The following GAP43 variants were observed in gnomAD, a reference collection of about 807,000 sequenced individuals.
The protein encoded by GAP43 is neuromodulin.
A neutral mutation model predicts 18.6 loss-of-function variants in GAP43; 6 were observed. The observed-to-expected ratio is 0.32, with a 90% CI of 0.18 to 0.64. The LOEUF is 0.64. Among genes scored for constraint, GAP43 ranks in the 30% least tolerant of loss-of-function variants. GAP43 has a pLI of 0.78. For missense variants in GAP43, 292 were observed against 295.5 expected, an observed-to-expected ratio of 0.99 and a Z score of 0.09; for synonymous variants, 115 against 111.4, an observed-to-expected ratio of 1.03 and a Z score of -0.20.
In GAP43 at chr3:115,704,486, C is replaced by T. The variant is rs866523212; in HGVS notation, c.629-16308C>T. Among the ~76,000 whole-genome samples, 5 of 152,118 alleles carry T rather than the reference C, an allele frequency of 3.3e-5. No individual in the cohort carries two copies. The Middle Eastern group carries it at 0.014, about 414-fold the overall frequency. Reference sequence around the variant, plus strand: ...TGCATAAAATATCCACTTCACCTCCCGCAATTTGAACATAACATGTTAGAA... The same window carrying T: ...TGCATAAAATATCCACTTCACCTCCTGCAATTTGAACATAACATGTTAGAA... On this transcript the variant is annotated intron_variant, in intron 2 of 2. Coordinates refer to ENST00000305124, the MANE Select transcript of GAP43 (RefSeq NM_002045.4).
At chr3:115,698,141 AT>A (rs1709234721) in intron 2 of GAP43, among the ~76,000 whole-genome samples, 3 of 10,060 alleles carry the variant, frequency 3.0e-4, no homozygotes, top group Non-Finnish European at 6.7e-4. Context: ...AATATATATA[AT>A]ATATATTATA....
chr3:115,652,203 G>A (rs1033124315), intron 1 of GAP43, among the ~76,000 whole-genome samples: 1 of 151,524 alleles, frequency 6.6e-6, no homozygotes, highest in African/African-American at 2.4e-5. Context: ...AAACTGTACC[G>A]CTCATTTAAT....
At chr3:115,643,197 T>C (rs1708419083) in intron 1 of GAP43, among the ~76,000 whole-genome samples, 1 of 152,064 alleles carries the variant, frequency 6.6e-6, no homozygotes, top group South Asian at 2.1e-4. Context: ...CTAGACTCAG[T>C]CACTTTTTAT....
intron 1 of GAP43, among the ~76,000 whole-genome samples, chr3:115,631,291 A>G (rs1168980218): frequency 6.6e-6 from 1 of 152,068 alleles, no homozygotes; most frequent in African/African-American, 2.4e-5. Flanking sequence ...GGTTCTGCCA[A>G]TTGCTTGTCA....
intron 1 of GAP43, among the ~76,000 whole-genome samples, chr3:115,660,886 C>T (rs1244854460): frequency 4.6e-5 from 7 of 152,146 alleles, no homozygotes; most frequent in African/African-American, 1.7e-4. Context: ...AGGGAACAGC[C>T]CTGGGGATTT....
At chr3:115,710,488 A>G (rs1279503254) in intron 2 of GAP43, among the ~76,000 whole-genome samples, 1 of 152,182 alleles carries the variant, frequency 6.6e-6, no homozygotes, top group Non-Finnish European at 1.5e-5. Flanking sequence ...TTCATTGATC[A>G]GTATAAAAAA....
At chr3:115,663,504 TTCTCTTTTGCTTTCAGAATTAAAA>T in intron 1 of GAP43, 1 of 1,191,040 alleles carries the variant, frequency 8.4e-7, no homozygotes, top group Non-Finnish European at 1.0e-6. Context: ...TCTGATATTT[TTCTCTTTTGCTTTCAGAATTAAAA>T]GGGAACCTGG....
chr3:115,717,622 C>T (rs905117655), intron 2 of GAP43, among the ~76,000 whole-genome samples: 1 of 149,178 alleles, frequency 6.7e-6, no homozygotes, highest in East Asian at 2.0e-4. Context: ...ATTTTATTGT[C>T]TTTTAAAGGT....
chr3:115,638,486 C>T (rs1708356893), intron 1 of GAP43, among the ~76,000 whole-genome samples: 1 of 151,490 alleles, frequency 6.6e-6, no homozygotes, highest in African/African-American at 2.4e-5. Flanking sequence ...TGAGTGGTGT[C>T]CAAGTCACTC....
chr3:115,698,253 TA>T (rs1274778657), intron 2 of GAP43, among the ~76,000 whole-genome samples: 1 of 57,336 alleles, frequency 1.7e-5, no homozygotes, highest in African/African-American at 6.7e-5. Context: ...ATATAATATA[TA>T]ATATATATAA....
chr3:115,699,577 C>T (rs1709271157), intron 2 of GAP43, among the ~76,000 whole-genome samples: 1 of 152,136 alleles, frequency 6.6e-6, no homozygotes, highest in East Asian at 1.9e-4. Context: ...TTTTTATTTA[C>T]AGCAGGCATT....
chr3:115,689,873 G>A (rs1340470848), intron 2 of GAP43, among the ~76,000 whole-genome samples: 2 of 152,202 alleles, frequency 1.3e-5, no homozygotes, highest in African/African-American at 4.8e-5. Context: ...AGAAAGAATA[G>A]ATGGTAGAAA....
intron 1 of GAP43, among the ~76,000 whole-genome samples, chr3:115,648,222 A>G (rs1300051811): frequency 6.6e-6 from 1 of 151,950 alleles, no homozygotes; most frequent in Non-Finnish European, 1.5e-5. Flanking sequence ...TAATTCTTGG[A>G]CTGCTGGCTG....
rs770245182 is a variant in GAP43 at position 115,676,313 on chromosome 3, GAGA to G, written c.337_339del (p.Lys113del). The G allele has an allele frequency of 2.5e-6, 4 of 1,614,148 alleles. No homozygotes were observed. Among genetic ancestry groups the G allele is most frequent in the East Asian group, 2.2e-5 (1 of 44,870 alleles). On this transcript the variant is annotated inframe_deletion, in exon 2 of 3. Transcript: ENST00000305124. The stretch of plus-strand genomic sequence containing the variant: ...CAAAGCAGGAGAAACTCCTTCCGAG[GAGA>G]AGAAGGGGGAGGGTGATGCTGCCAC...
Position 115,676,254 on chromosome 3 carries a change from C to G in GAP43, c.272C>G (p.Ala91Gly). 1 of 1,614,166 alleles carries G rather than the reference C, an allele frequency of 6.2e-7. No individual in the cohort carries two copies. Among genetic ancestry groups the G allele is most frequent in the Non-Finnish European group, 8.5e-7 (1 of 1,180,028 alleles). Residue 91 changes from alanine to glycine, a missense_variant, in exon 2 of 3, where the codon GCC (alanine) becomes GGC (glycine). Coordinates refer to ENST00000305124, the MANE Select transcript of GAP43 (RefSeq NM_002045.4). ...GAAGGCACCACTACTGCCGAAGCAGCCCCAGCCACTGGCTCCAAGCCTGAT... is the reference window on the plus strand; with the variant it reads ...GAAGGCACCACTACTGCCGAAGCAGGCCCAGCCACTGGCTCCAAGCCTGAT... ...KGEGTTTAEA[A>G]PATGSKPDEP... is the part of the protein sequence containing the mutation.
At chr3:115,659,385 G>T (rs1006489635) in intron 1 of GAP43, among the ~76,000 whole-genome samples, 2 of 152,050 alleles carry the variant, frequency 1.3e-5, no homozygotes, top group African/African-American at 2.4e-5. Context: ...CTTTTTCGGG[G>T]GGGAGGGTAA....
chr3:115,672,020 G>C (rs142756931), intron 1 of GAP43, among the ~76,000 whole-genome samples: 1 of 152,308 alleles, frequency 6.6e-6, no homozygotes, highest in East Asian at 1.9e-4. Context: ...GCTTAACATA[G>C]GCACTGAGTA....
intron 1 of GAP43, among the ~76,000 whole-genome samples, chr3:115,641,089 T>C (rs1342911770): frequency 6.7e-6 from 1 of 148,816 alleles, no homozygotes; most frequent in Non-Finnish European, 1.5e-5. Flanking sequence ...GGTCTCGAGC[T>C]CCTGGGCTCA....
chr3:115,693,747 T>G (rs1709145298), intron 2 of GAP43, among the ~76,000 whole-genome samples: 1 of 124,526 alleles, frequency 8.0e-6, no homozygotes, highest in South Asian at 2.5e-4. Flanking sequence ...GTCTCATGTG[T>G]GCAAATTGGT....
Sources: gnomAD v4.1 joint callset for allele counts (sites outside exome capture counted in the v4.1 genomes callset) on GRCh38, gnomAD v4.1.1 for gene constraint, MANE v1.5 for transcripts, NCBI Gene and HGNC (gene_info 2026-07-23, HGNC 2026-07-21) for gene names.